The following TEX48 variants were observed in gnomAD, a reference collection of about 807,000 sequenced individuals.
TEX48 encodes the protein testis expressed 48, also known as testis-expressed protein 48.
A neutral mutation model predicts 13.2 loss-of-function variants in TEX48; 10 were observed. The ratio of observed to expected loss-of-function variants is 0.75; its 90% CI spans 0.47 to 1.28. The LOEUF is 1.28. Ranked by LOEUF, TEX48 falls within the 50% of genes most tolerant of loss-of-function variation. The pLI, the probability that TEX48 is intolerant of heterozygous loss-of-function variation, is 0.00. For synonymous variants in TEX48, 45 were observed against 52.3 expected, an observed-to-expected ratio of 0.86 and a Z score of 0.60; for missense variants, 116 against 139.4, an observed-to-expected ratio of 0.83 and a Z score of 0.84.
intron 3 of TEX48, among the ~76,000 whole-genome samples, chr9:114,670,099 A>G (rs1385536740): frequency 6.6e-6 from 1 of 152,208 alleles, no homozygotes; most frequent in African/African-American, 2.4e-5. Context: ...CTCAATTTGA[A>G]TACTAATGTC....
chr9:114,668,272 A>G lies in TEX48; in HGVS notation c.193T>C (p.Leu65=), dbSNP rs998207581. Reference sequence around the variant, plus strand: ...TGGATCAGGGGTGTTCTCGAAGGCAAATGGGAGACTGCGTTAATGCGCTTG... The same window carrying G: ...TGGATCAGGGGTGTTCTCGAAGGCAGATGGGAGACTGCGTTAATGCGCTTG... ...NPKRINAVSH[L]PSRTPLIQTK... The change falls in exon 4 of 5, where the codon TTG becomes CTG. Residue 65 remains leucine (L), a synonymous_variant. Coordinates refer to ENST00000436752, the MANE Select transcript of TEX48 (RefSeq NM_001199233.2). 3.9e-6 allele frequency: 6 copies of G among 1,535,476 alleles called. No individual in the cohort carries two copies. The highest frequency in any genetic ancestry group is 4.4e-6 in the Non-Finnish European group (5 of 1,146,852).
At chr9:114,667,055 C>T (rs139182311) in intron 4 of TEX48, among the ~76,000 whole-genome samples, 106 of 152,266 alleles carry the variant, frequency 7.0e-4, no homozygotes, top group African/African-American at 2.3e-3. Context: ...CTAGTGCACT[C>T]GTGGGAAGTC....
intron 1 of TEX48, among the ~76,000 whole-genome samples, chr9:114,678,746 G>T (rs1344527228): frequency 1.3e-5 from 2 of 151,188 alleles, no homozygotes; most frequent in African/African-American, 4.9e-5. Flanking sequence ...AGAGGCTGAG[G>T]AGAGAGTATT....
At chr9:114,668,174 G>A (rs981084082) in intron 4 of TEX48, 32 bp downstream of exon 4, 30 of 1,534,620 alleles carry the variant, frequency 2.0e-5, no homozygotes, top group Middle Eastern at 1.7e-4. Context: ...GGGAGTTTCT[G>A]GTCAGTGTTA....
At chr9:114,669,471 C>T (rs901109439) in intron 3 of TEX48, among the ~76,000 whole-genome samples, 2 of 151,182 alleles carry the variant, frequency 1.3e-5, no homozygotes, top group Non-Finnish European at 2.9e-5. Context: ...GATAGAGTTT[C>T]GCTCTTGTTG....
chr9:114,667,905 C>CAAAAA lies in TEX48; in HGVS notation c.259+296_259+300dup, dbSNP rs1176250476. Among the ~76,000 whole-genome samples the CAAAAA allele has an allele frequency of 4.1e-3, 246 of 60,274 alleles. 6 individuals are homozygous for CAAAAA. The highest frequency in any genetic ancestry group is 4.8e-3 in the Non-Finnish European group (164 of 34,252). 39.5% of individuals were successfully genotyped at this position (60,274 alleles called of 152,430 possible). The stretch of plus-strand genomic sequence containing the variant: ...TAGACAACAGAGGGAGACTCCATCT[C>CAAAAA]AAAAAAAAAAAAAAAAAAAAAAGAT... On this transcript the variant is annotated intron_variant, in intron 4 of 4. Transcript: ENST00000436752.
At chr9:114,674,732 G>A (rs770984201) in intron 1 of TEX48, among the ~76,000 whole-genome samples, 33 of 149,872 alleles carry the variant, frequency 2.2e-4, no homozygotes, top group South Asian at 4.2e-4. Flanking sequence ...TCAGGCTGGA[G>A]TGCAGTGGCA....
rs1390194184 is a variant in TEX48 at position 114,671,385 on chromosome 9, T to C, written c.125A>G (p.Gln42Arg). ...SQTQEHKPSTQNLLLQKDELD... is the reference protein window; with the variant it reads ...SQTQEHKPSTRNLLLQKDELD... Reference sequence around the variant, plus strand: ...GAGTGTCCTTATCTGATACCTACTTTGGGTCGATGGCTTGTGCTCCTGGGT... The same window carrying C: ...GAGTGTCCTTATCTGATACCTACTTCGGGTCGATGGCTTGTGCTCCTGGGT... The change falls in exon 3 of 5, where the codon CAA becomes CGA. Residue 42 changes from glutamine to arginine, a missense_variant and splice_region_variant. Coordinates refer to ENST00000436752, the MANE Select transcript of TEX48 (RefSeq NM_001199233.2). The C allele has an allele frequency of 1.3e-6, 2 of 1,535,216 alleles. No homozygotes were observed. The highest frequency in any genetic ancestry group is 1.7e-6 in the Non-Finnish European group (2 of 1,146,734).
chr9:114,676,648 G>A (rs1457550405), intron 1 of TEX48, among the ~76,000 whole-genome samples: 5 of 148,560 alleles, frequency 3.4e-5, no homozygotes, highest in African/African-American at 1.0e-4. Context: ...ATGGAGTCGC[G>A]CTCTGTTGCC....
intron 1 of TEX48, among the ~76,000 whole-genome samples, chr9:114,680,186 G>A (rs1444510041): frequency 7.1e-6 from 1 of 141,548 alleles, no homozygotes; most frequent in Non-Finnish European, 1.5e-5. Context: ...GGAGTGCAAT[G>A]GTGCGATCTC....
At chr9:114,679,437 G>C (rs531097835) in intron 1 of TEX48, among the ~76,000 whole-genome samples, 10 of 152,150 alleles carry the variant, frequency 6.6e-5, no homozygotes, top group African/African-American at 2.2e-4. Flanking sequence ...CAGAAGGACA[G>C]CTGTCCATAT....
chr9:114,672,700 A>T (rs1827970288), intron 1 of TEX48, among the ~76,000 whole-genome samples: 1 of 152,166 alleles, frequency 6.6e-6, no homozygotes, highest in Non-Finnish European at 1.5e-5. Flanking sequence ...TCCATAATTA[A>T]TACAAAAGTT....
At position 114,668,198 on chromosome 9, in the gene TEX48, G is replaced by T. The variant is rs1305200465; in HGVS notation, c.259+8C>A. ...TGGTCAGTGTTAGGACCCCAATTTG[G>T]GACTCACCCTCAAACTCACTGCTGC... is the stretch of plus-strand genomic sequence containing the variant. On this transcript the variant is annotated splice_region_variant and intron_variant, in intron 4 of 4. Coordinates refer to ENST00000436752, the MANE Select transcript of TEX48 (RefSeq NM_001199233.2). The T allele has an allele frequency of 3.9e-6, 6 of 1,535,532 alleles. No homozygotes were observed. Among genetic ancestry groups the T allele is most frequent in the Admixed American group, 3.9e-5 (2 of 50,986 alleles).
At chr9:114,674,527 TTTC>T (rs373353473) in intron 1 of TEX48, among the ~76,000 whole-genome samples, 328 of 151,356 alleles carry the variant, frequency 2.2e-3, no homozygotes, top group African/African-American at 7.3e-3. Context: ...ACATTTTCTC[TTTC>T]TTTTTTCTTC....
chr9:114,668,324 C>CT lies in TEX48; in HGVS notation c.140dup (p.Lys48GlufsTer3). 1 of 1,535,660 alleles carries CT rather than the reference C, an allele frequency of 6.5e-7. No individual in the cohort carries two copies. The highest frequency in any genetic ancestry group is 8.7e-7 in the Non-Finnish European group (1 of 1,146,880). ...GATTTTGTCTGTCAAGCTCATCCTT[C>CT]TGAAGCAGCAAATCTGGCAATGAGA... On this transcript the variant is annotated frameshift_variant, in exon 4 of 5. Coordinates refer to ENST00000436752, the MANE Select transcript of TEX48 (RefSeq NM_001199233.2). LOFTEE classifies it high-confidence loss of function.
intron 1 of TEX48, among the ~76,000 whole-genome samples, chr9:114,673,358 C>A (rs1050007437): frequency 3.3e-5 from 5 of 151,730 alleles, no homozygotes; most frequent in African/African-American, 1.2e-4. Context: ...GTAATCCCAG[C>A]TACTCAGGAG....
chr9:114,681,418 T>C (rs764139767), intron 1 of TEX48, among the ~76,000 whole-genome samples: 1 of 152,164 alleles, frequency 6.6e-6, no homozygotes, highest in Non-Finnish European at 1.5e-5. Flanking sequence ...TCTCTGGGGG[T>C]ATAATTCTTG....
At chr9:114,671,985 G>T (rs955471610) in intron 1 of TEX48, among the ~76,000 whole-genome samples, 158 bp from the exon 2 acceptor site, 5 of 152,212 alleles carry the variant, frequency 3.3e-5, no homozygotes, top group African/African-American at 1.2e-4. Flanking sequence ...ATGAACAGGT[G>T]CATGTTCTTA....
chr9:114,671,517 A>C lies in TEX48; in HGVS notation c.5-12T>G. The C allele has an allele frequency of 6.7e-7, 1 of 1,493,430 alleles. No individual in the cohort carries two copies. The allele number at this position is 1,493,430 out of a possible 1,614,324, so 92.5% of individuals were successfully genotyped here. On this transcript the variant is annotated splice_polypyrimidine_tract_variant and intron_variant, in intron 2 of 4. Transcript: ENST00000436752. ...GTTTTGGTGGGCTGCTGTTGGAGGC[A>C]AAGGAATGAGGGGCATGGGTTCCGG...
Sources: allele counts gnomAD v4.1 joint callset (sites outside exome capture counted in the v4.1 genomes callset), GRCh38; gene constraint gnomAD v4.1.1; transcripts MANE v1.5; gene names NCBI Gene and HGNC (gene_info 2026-07-23, HGNC 2026-07-21).